The following GSG1L variants were observed in gnomAD, a reference collection of about 807,000 sequenced individuals.
GSG1L encodes GSG1 like.
Under a neutral mutation model 42.1 loss-of-function variants are expected in GSG1L, and 24 were observed. The ratio of observed to expected loss-of-function variants is 0.57; its 90% CI spans 0.41 to 0.80. The LOEUF (loss-of-function observed/expected upper bound fraction) is 0.80. GSG1L is among the 30% of genes least tolerant of loss of function. The pLI, the probability that GSG1L is intolerant of heterozygous loss-of-function variation, is 0.00. For synonymous variants in GSG1L, 215 were observed against 203.5 expected (o/e 1.06, Z -0.48); for missense variants, 445 against 472.2 (o/e 0.94, Z 0.53).
rs1247227619 is a variant in GSG1L at position 28,059,175 on chromosome 16, G to A, written c.349+3901C>T. Among the ~76,000 whole-genome samples the A allele has an allele frequency of 6.6e-6, 1 of 152,170 alleles. No individual in the cohort carries two copies. Among genetic ancestry groups the A allele is most frequent in the African/African-American group, 2.4e-5 (1 of 41,428 alleles). ...GATCCCCACCTACACAGTAGCCCTG[G>A]GAGTTTCCTGCCTGAAACCACGCTG... is the stretch of plus-strand genomic sequence containing the variant. On this transcript the variant is annotated intron_variant, in intron 1 of 6. Transcript: ENST00000447459. This position sits in a 1 kb window ranked among gnomAD's most constrained non-coding sequence, Gnocchi z 4.4.
At chr16:28,034,763 C>G (rs958081918) in intron 1 of GSG1L, among the ~76,000 whole-genome samples, 3 of 152,202 alleles carry the variant, frequency 2.0e-5, no homozygotes, top group Non-Finnish European at 4.4e-5. Flanking sequence ...TATTTAGCGG[C>G]ATCCAGGGCC....
intron 1 of GSG1L, among the ~76,000 whole-genome samples, chr16:28,041,401 G>A: frequency 6.6e-6 from 1 of 152,108 alleles, no homozygotes; most frequent in South Asian, 2.1e-4. Context: ...GCAGTGAGCT[G>A]CGATCACACC....
At chr16:27,998,657 T>A (rs2141141710) in intron 1 of GSG1L, among the ~76,000 whole-genome samples, 1 of 152,216 alleles carries the variant, frequency 6.6e-6, no homozygotes, top group South Asian at 2.1e-4. Flanking sequence ...CATGGTGGCA[T>A]GAACCTCTAG....
At chr16:27,842,928 G>T (rs935861894) in intron 4 of GSG1L, among the ~76,000 whole-genome samples, 3 of 151,368 alleles carry the variant, frequency 2.0e-5, no homozygotes, top group African/African-American at 7.3e-5. Context: ...CTGGGGACCC[G>T]CCCCACCCAA....
At chr16:27,866,705 G>A (rs1317194783) in intron 3 of GSG1L, among the ~76,000 whole-genome samples, 1 of 151,194 alleles carries the variant, frequency 6.6e-6, no homozygotes, top group African/African-American at 2.5e-5. Flanking sequence ...CCAAGTAGCT[G>A]GGACTACAGA....
chr16:28,002,830 G>A (rs1161360596), intron 1 of GSG1L, among the ~76,000 whole-genome samples: 4 of 151,862 alleles, frequency 2.6e-5, no homozygotes, highest in African/African-American at 7.3e-5. Flanking sequence ...CCAGCTACTC[G>A]GGAGGCTGAG....
chr16:27,915,037 A>G (rs1173474201), intron 2 of GSG1L, among the ~76,000 whole-genome samples: 6 of 152,112 alleles, frequency 3.9e-5, no homozygotes, highest in Admixed American at 6.5e-5. Context: ...ATGAGAATCT[A>G]CCTGCAACCA....
intron 3 of GSG1L, among the ~76,000 whole-genome samples, chr16:27,854,087 G>T (rs1596557775): frequency 1.3e-5 from 2 of 151,812 alleles, no homozygotes; most frequent in East Asian, 1.9e-4. Flanking sequence ...AGGTTGAGAA[G>T]AATACGCTAT....
chr16:27,904,920 C>T (rs920266182), intron 2 of GSG1L, among the ~76,000 whole-genome samples: 11 of 152,228 alleles, frequency 7.2e-5, no homozygotes, highest in Non-Finnish European at 1.2e-4. Flanking sequence ...GGAGAAGCCA[C>T]AGCCGCAGCC....
chr16:27,958,787 G>T (rs1021174350), intron 2 of GSG1L, among the ~76,000 whole-genome samples: 1 of 151,976 alleles, frequency 6.6e-6, no homozygotes, highest in Non-Finnish European at 1.5e-5. Flanking sequence ...CCATTCTCCT[G>T]CCTCAGCCTC....
At chr16:28,013,052 C>T (rs779120550) in intron 1 of GSG1L, among the ~76,000 whole-genome samples, 1 of 150,966 alleles carries the variant, frequency 6.6e-6, no homozygotes, top group African/African-American at 2.5e-5. Flanking sequence ...TGGTGAAACC[C>T]TCTCTCTACT....
intron 6 of GSG1L, among the ~76,000 whole-genome samples, chr16:27,793,567 A>G (rs2082779187): frequency 6.6e-6 from 1 of 152,186 alleles, no homozygotes; most frequent in African/African-American, 2.4e-5. Context: ...ATTTAGGCAT[A>G]ATTTTAGCTG....
At chr16:28,010,639 T>C (rs1402666621) in intron 1 of GSG1L, among the ~76,000 whole-genome samples, 2 of 152,024 alleles carry the variant, frequency 1.3e-5, no homozygotes, top group Non-Finnish European at 2.9e-5. Context: ...TCCAGTAAAC[T>C]CATTCACATC....
chr16:27,920,578 G>T (rs2084512142), intron 2 of GSG1L, among the ~76,000 whole-genome samples: 1 of 152,190 alleles, frequency 6.6e-6, no homozygotes, highest in African/African-American at 2.4e-5. Flanking sequence ...GACATGTTTT[G>T]CTCAGGAAAA....
Position 27,788,890 on chromosome 16 carries a change from T to C in GSG1L, c.*2480A>G, listed in dbSNP as rs2082720441. On this transcript the variant is annotated 3_prime_UTR_variant, in exon 7 of 7. Coordinates refer to ENST00000447459, the MANE Select transcript of GSG1L (RefSeq NM_001109763.2). ...CAAGTAACTCGCCCAAGGTCACAAG[T>C]GGAGAAGGTGGAATCTGAACCCAGG... The C allele has an allele frequency of 6.6e-6, 1 of 152,246 alleles. No homozygotes were observed. The highest frequency in any genetic ancestry group is 1.5e-5 in the Non-Finnish European group (1 of 68,054). 9.4% of individuals were successfully genotyped at this position (152,246 alleles called of 1,614,324 possible).
chr16:27,945,384 A>G, intron 2 of GSG1L, among the ~76,000 whole-genome samples: 1 of 152,158 alleles, frequency 6.6e-6, no homozygotes, highest in East Asian at 1.9e-4. Flanking sequence ...AGGGAGAGGC[A>G]TGTGTGACAA....
At chr16:28,006,964 T>C (rs1015539650) in intron 1 of GSG1L, among the ~76,000 whole-genome samples, 3 of 151,694 alleles carry the variant, frequency 2.0e-5, no homozygotes, top group Admixed American at 6.6e-5. Flanking sequence ...AAGCCAGGGG[T>C]TATCTGCGCC....
intron 3 of GSG1L, among the ~76,000 whole-genome samples, chr16:27,859,140 A>G (rs1312133728): frequency 6.6e-6 from 1 of 152,032 alleles, no homozygotes; most frequent in East Asian, 1.9e-4. Context: ...TAGGAGTGAC[A>G]CTGTCTGCCT....
chr16:27,969,394 G>T (rs2085168209), intron 1 of GSG1L, among the ~76,000 whole-genome samples: 1 of 151,986 alleles, frequency 6.6e-6, no homozygotes. Flanking sequence ...CATATAGATG[G>T]AATTATAGAA....
Sources: allele counts gnomAD v4.1 joint callset (sites outside exome capture counted in the v4.1 genomes callset), GRCh38; gene constraint gnomAD v4.1.1; non-coding constraint Gnocchi (gnomAD v3.1); transcripts MANE v1.5; gene names NCBI Gene and HGNC (gene_info 2026-07-23, HGNC 2026-07-21).